Variants in RARS1 observed in about 807,000 individuals in gnomAD.
RARS1 encodes the protein arginine--tRNA ligase, cytoplasmic.
RARS1 carries 75 observed loss-of-function variants against 78.7 expected under a neutral mutation model. That is an observed-to-expected ratio of 0.95 (90% CI 0.79 to 1.15). RARS1 has a LOEUF of 1.15. Ranked by LOEUF, RARS1 falls within the 50% of genes most tolerant of loss-of-function variation. The pLI, the probability that RARS1 is intolerant of heterozygous loss-of-function variation, is 0.00. For missense variants in RARS1, 787 were observed against 787.5 expected (o/e 1.00, Z 0.01); for synonymous variants, 273 against 268.2 (o/e 1.02, Z -0.18).
At chr5:168,496,952 A>G (rs898483188) in intron 6 of RARS1, 10 of 283,152 alleles carry the variant, frequency 3.5e-5, no homozygotes, top group African/African-American at 2.2e-4. Context: ...ATTATAGTCC[A>G]CTGACAGAAA....
Position 168,518,071 on chromosome 5 carries a change from C to CTTTTTTTTTTTTTTTTTTTTTTTA in RARS1, c.1873+32_1873+33insATTTTTTTTTTTTTTTTTTTTTTT. 1.3e-6 allele frequency: 1 copy of CTTTTTTTTTTTTTTTTTTTTTTTA among 747,560 alleles called. No individual in the cohort carries two copies. The highest frequency in any genetic ancestry group is 1.6e-6 in the Non-Finnish European group (1 of 622,936). 46.3% of individuals were successfully genotyped at this position (747,560 alleles called of 1,614,324 possible). ...GAAAGATAGACAGACTGGTGAGTGT[C>CTTTTTTTTTTTTTTTTTTTTTTTA]TTTTTTTTTTTTTTTTTTTTTTTTA... On this transcript the variant is annotated intron_variant, in intron 14 of 14. Coordinates refer to ENST00000231572, the MANE Select transcript of RARS1 (RefSeq NM_002887.4).
chr5:168,487,975 G>C (rs560433534), intron 1 of RARS1, among the ~76,000 whole-genome samples: 10 of 152,252 alleles, frequency 6.6e-5, no homozygotes, highest in African/African-American at 2.2e-4. Flanking sequence ...AAGCAGGTTG[G>C]TCAACCTGAA....
intron 9 of RARS1, 48 bp from the exon 10 acceptor site, chr5:168,505,973 C>A: frequency 1.4e-6 from 2 of 1,441,944 alleles, no homozygotes; most frequent in South Asian, 1.3e-5. Flanking sequence ...ATTCATTTTC[C>A]TTCAGGGTTC....
At chr5:168,497,589 G>T (rs893571453) in intron 7 of RARS1, among the ~76,000 whole-genome samples, 2 of 151,888 alleles carry the variant, frequency 1.3e-5, no homozygotes, top group Non-Finnish European at 2.9e-5. Flanking sequence ...CAAGCATGGC[G>T]CTAGCATCTG....
chr5:168,497,232 A>G lies in RARS1; in HGVS notation c.706A>G (p.Asn236Asp). The change falls in exon 7 of 15, where the codon AAT becomes GAT. Residue 236 changes from asparagine to aspartate, a missense_variant. Asn to Asp is a conservative substitution (Grantham distance 23, BLOSUM62 1). Transcript: ENST00000231572. ...ATATTCTCTGATTGGTGTTAGGTTAAATCATGTAGGAGACTGGGGGACCCA... is the reference window on the plus strand; with the variant it reads ...ATATTCTCTGATTGGTGTTAGGTTAGATCATGTAGGAGACTGGGGGACCCA... Reference protein sequence around the residue: ...EFAGYDVLRLNHVGDWGTQFG... With the variant: ...EFAGYDVLRLDHVGDWGTQFG... The G allele has an allele frequency of 6.5e-7, 1 of 1,539,748 alleles. No individual in the cohort carries two copies. The highest frequency in any genetic ancestry group is 8.7e-7 in the Non-Finnish European group (1 of 1,143,092).
intron 12 of RARS1, among the ~76,000 whole-genome samples, chr5:168,513,260 A>G (rs1489211537): frequency 7.1e-6 from 1 of 139,882 alleles, no homozygotes; most frequent in Non-Finnish European, 1.5e-5. Context: ...GGATTTCACC[A>G]TGTTAGCCAG....
chr5:168,498,971 C>T (rs1336178383), intron 7 of RARS1, among the ~76,000 whole-genome samples: 2 of 150,312 alleles, frequency 1.3e-5, no homozygotes, highest in Admixed American at 1.3e-4. Context: ...GAGACCCTAT[C>T]TCAAAAAAAA....
chr5:168,486,578 A>G, intron 1 of RARS1, 35 bp downstream of exon 1: 2 of 1,550,674 alleles, frequency 1.3e-6, no homozygotes, highest in Non-Finnish European at 1.7e-6. Flanking sequence ...AAGGCCTGAA[A>G]GAGATGGAGC....
chr5:168,488,168 A>C, intron 1 of RARS1: 1 of 382,608 alleles, frequency 2.6e-6, no homozygotes, highest in Non-Finnish European at 5.1e-6. Context: ...CGCTCTGTCA[A>C]GCAGACTGGA....
Position 168,498,302 on chromosome 5 carries a change from A to G in RARS1, c.822+954A>G, listed in dbSNP as rs956689858. ...CCACATTGAATTTAGAGGTTTATTA[A>G]TCAATGCATTATAGGACTTAAAATT... On this transcript the variant is annotated intron_variant, in intron 7 of 14. Coordinates refer to ENST00000231572, the MANE Select transcript of RARS1 (RefSeq NM_002887.4). 1.2e-4 allele frequency among the ~76,000 whole-genome samples: 19 copies of G among 152,310 alleles called. No individual in the cohort carries two copies. In the East Asian group the frequency reaches 3.7e-3, roughly 29 times the overall value.
chr5:168,497,481 A>G, intron 7 of RARS1, 133 bp downstream of exon 7: 1 of 661,140 alleles, frequency 1.5e-6, no homozygotes, highest in Non-Finnish European at 2.3e-6. Context: ...CCTTAGTAAT[A>G]CATGTCTCTG....
At position 168,507,155 on chromosome 5, in the gene RARS1, A is replaced by G. The variant is rs1758465235; in HGVS notation, c.1346+324A>G. ...CAGATTTCAGACACTATTCAACAAT[A>G]TAGCTTATGCATTTGATAAATGTTT... On this transcript the variant is annotated intron_variant, in intron 11 of 14. Coordinates refer to ENST00000231572, the MANE Select transcript of RARS1 (RefSeq NM_002887.4). Among the ~76,000 whole-genome samples, 2 of 152,194 alleles carry G rather than the reference A, an allele frequency of 1.3e-5. 1 individual carries two copies. The highest frequency in any genetic ancestry group is 4.1e-4 in the South Asian group (2 of 4,830).
At chr5:168,518,250 T>TC (rs1224024705) in intron 14 of RARS1, among the ~76,000 whole-genome samples, 188 bp downstream of exon 14, 1 of 151,484 alleles carries the variant, frequency 6.6e-6, no homozygotes, top group Non-Finnish European at 1.5e-5. Context: ...TGCACCCAGC[T>TC]CCAAGTGTCT....
chr5:168,495,135 C>T, intron 5 of RARS1, 180 bp from the exon 6 acceptor site: 3 of 1,012,860 alleles, frequency 3.0e-6, no homozygotes, highest in Non-Finnish European at 4.1e-6. Flanking sequence ...ACAAGCAGAT[C>T]CATCATAAAA....
Position 168,516,889 on chromosome 5 carries a change from A to G in RARS1, c.1564A>G (p.Lys522Glu). 1 of 1,614,212 alleles carries G rather than the reference A, an allele frequency of 6.2e-7. No individual in the cohort carries two copies. The highest frequency in any genetic ancestry group is 8.5e-7 in the Non-Finnish European group (1 of 1,180,018). The stretch of plus-strand genomic sequence containing the variant: ...GAATGACTACATCTTCTCCTTTGAC[A>G]AAATGCTAGATGACAGAGGAAATAC... ...RLNDYIFSFD[K>E]MLDDRGNTAA... is the part of the protein sequence containing the mutation. The change falls in exon 13 of 15, where the codon AAA (lysine) becomes GAA (glutamate). Residue 522 changes from lysine to glutamate, a missense_variant. By Grantham distance (56) the Lys-to-Glu change is moderately conservative (BLOSUM62 1). Coordinates refer to ENST00000231572, the MANE Select transcript of RARS1 (RefSeq NM_002887.4).
intron 11 of RARS1, among the ~76,000 whole-genome samples, chr5:168,509,385 T>A (rs1433943297): frequency 6.6e-6 from 1 of 151,442 alleles, no homozygotes; most frequent in Non-Finnish European, 1.5e-5. Flanking sequence ...ATTTTGGTAC[T>A]CTTTGTGTTA....
chr5:168,501,882 G>A (rs1253283187), intron 8 of RARS1, 119 bp from the exon 9 acceptor site: 2 of 1,380,296 alleles, frequency 1.4e-6, no homozygotes, highest in Non-Finnish European at 9.5e-7. Context: ...CATTTTTTAT[G>A]TAATTAATTT....
At chr5:168,513,454 G>A (rs1357785916) in intron 12 of RARS1, among the ~76,000 whole-genome samples, 3 of 152,096 alleles carry the variant, frequency 2.0e-5, no homozygotes, top group African/African-American at 7.2e-5. Flanking sequence ...CGAGTAGCTG[G>A]GACTACAGGC....
rs573590226 is a variant in RARS1, at chr5:168,491,910, T to C, written c.181-749T>C. Among the ~76,000 whole-genome samples the C allele has an allele frequency of 4.0e-4, 61 of 151,528 alleles. No individual in the cohort carries two copies. The South Asian group carries it at 7.7e-3, about 19-fold the overall frequency. ...CAAACATAAAGGTGTATAGGCAGCA[T>C]GTTTATCTTCTATTAAAAGCATATG... On this transcript the variant is annotated intron_variant, in intron 2 of 14. Coordinates refer to ENST00000231572, the MANE Select transcript of RARS1 (RefSeq NM_002887.4).
Sources: gnomAD v4.1 joint callset for allele counts (sites outside exome capture counted in the v4.1 genomes callset) on GRCh38, gnomAD v4.1.1 for gene constraint, MANE v1.5 for transcripts, NCBI Gene and HGNC (gene_info 2026-07-23, HGNC 2026-07-21) for gene names.